Variants in CASP10 observed in about 807,000 individuals in gnomAD.
CASP10 encodes the protein caspase-10.
A neutral mutation model predicts 48.5 loss-of-function variants in CASP10; 41 were observed. The observed-to-expected ratio is 0.85, with a 90% confidence interval of 0.66 to 1.10. CASP10 has a LOEUF of 1.10. Ranked by LOEUF, CASP10 falls within the 50% of genes least tolerant of loss-of-function variation. The pLI is 0.00. For synonymous variants in CASP10, 232 were observed against 238.4 expected (o/e 0.97, Z 0.25); for missense variants, 614 against 614.5 (o/e 1.00, Z 0.01).
Position 201,200,577 on chromosome 2 carries a change from C to T in CASP10, c.685-3153C>T, listed in dbSNP as rs41371545. 4.0e-3 allele frequency: 6,317 copies of T among 1,578,964 alleles called. 198 individuals are homozygous for T. The African/African-American group carries it at 0.073, about 18-fold the overall frequency. On this transcript the variant is annotated intron_variant, in intron 5 of 9. Transcript: ENST00000286186. ...AGGCAATCAGGACATGACACAGAGCCGGGAGAGGCCTGCTCTTCGGCTCTG... is the reference window on the plus strand; with the variant it reads ...AGGCAATCAGGACATGACACAGAGCTGGGAGAGGCCTGCTCTTCGGCTCTG...
At chr2:201,205,328 G>T (rs1010051046) in intron 6 of CASP10, among the ~76,000 whole-genome samples, 1 of 150,976 alleles carries the variant, frequency 6.6e-6, no homozygotes, top group Admixed American at 6.6e-5. Flanking sequence ...GGACTCAGGT[G>T]ATCCTCCCAC....
At chr2:201,188,617 G>A (rs2126009855) in intron 3 of CASP10, among the ~76,000 whole-genome samples, 1 of 152,298 alleles carries the variant, frequency 6.6e-6, no homozygotes, top group East Asian at 1.9e-4. Flanking sequence ...CTCACAGGCT[G>A]AGTTTTGCTG....
rs1945668217 is a variant in CASP10, at chr2:201,219,493, A to G, written c.*1752A>G. The G allele has an allele frequency of 1.0e-6, 1 of 985,312 alleles. No homozygotes were observed. The highest frequency in any genetic ancestry group is 1.2e-6 in the Non-Finnish European group (1 of 829,976). The allele number at this position is 985,312 out of a possible 1,614,324, so 61.0% of individuals were successfully genotyped here. On this transcript the variant is annotated 3_prime_UTR_variant, in exon 10 of 10. Coordinates refer to ENST00000286186, the MANE Select transcript of CASP10 (RefSeq NM_032977.4). ...AGGGCTGGCAGATGCAGTAGACTGC[A>G]GTGGACAGTCCCCACCTTGTTACTG... is the stretch of plus-strand genomic sequence containing the variant.
At chr2:201,223,129 C>T (rs1945745708), downstream of CASP10, among the ~76,000 whole-genome samples, 1 of 152,188 alleles carries the variant, frequency 6.6e-6, no homozygotes, top group Non-Finnish European at 1.5e-5. Flanking sequence ...TGAGTACTGC[C>T]ACACAATGAC....
chr2:201,205,481 T>C (rs1945171290), intron 6 of CASP10, among the ~76,000 whole-genome samples: 1 of 152,120 alleles, frequency 6.6e-6, no homozygotes, highest in South Asian at 2.1e-4. Flanking sequence ...TCAGCCCGTC[T>C]TGGCCTCCCA....
intron 1 of CASP10, among the ~76,000 whole-genome samples, chr2:201,183,674 C>T (rs1442142418): frequency 1.3e-5 from 2 of 152,116 alleles, no homozygotes; most frequent in Admixed American, 6.5e-5. Flanking sequence ...TGGATTATCA[C>T]ATTAAAAATG....
At chr2:201,202,072 G>A (rs1945038538) in intron 5 of CASP10, among the ~76,000 whole-genome samples, 1 of 151,912 alleles carries the variant, frequency 6.6e-6, no homozygotes. Context: ...GGCTGGTCTC[G>A]AACTCCTGAC....
intron 7 of CASP10, among the ~76,000 whole-genome samples, chr2:201,206,555 T>C (rs1246572225): frequency 6.8e-6 from 1 of 148,010 alleles, no homozygotes; most frequent in African/African-American, 2.5e-5. Flanking sequence ...ATATATACTT[T>C]ATTTATAAGT....
chr2:201,208,986 GTTC>G (rs1274365838), intron 8 of CASP10, 81 bp from the exon 9 acceptor site: 30 of 1,484,352 alleles, frequency 2.0e-5, no homozygotes, highest in Non-Finnish European at 2.6e-5. Context: ...CCTTGTTTCA[GTTC>G]TTCATTTTGT....
chr2:201,217,755 T>C lies in CASP10; in HGVS notation c.*14T>C. ...CTTTCATTATAGCAGAGAGTTTTTGTTGGTTCTTAGACCTCAAACGAATCA... is the reference window on the plus strand; with the variant it reads ...CTTTCATTATAGCAGAGAGTTTTTGCTGGTTCTTAGACCTCAAACGAATCA... On this transcript the variant is annotated 3_prime_UTR_variant, in exon 10 of 10. Coordinates refer to ENST00000286186, the MANE Select transcript of CASP10 (RefSeq NM_032977.4). 1.2e-6 allele frequency: 2 copies of C among 1,613,794 alleles called. No individual in the cohort carries two copies. Among genetic ancestry groups the C allele is most frequent in the Non-Finnish European group, 1.7e-6 (2 of 1,179,792 alleles).
chr2:201,213,927 G>A (rs1333553872), intron 9 of CASP10: 5 of 152,190 alleles, frequency 3.3e-5, no homozygotes, highest in African/African-American at 7.2e-5. Flanking sequence ...ATGAGGGTAA[G>A]TCGCATTTTG....
chr2:201,207,394 G>A (rs1246540238), intron 7 of CASP10, among the ~76,000 whole-genome samples: 1 of 151,948 alleles, frequency 6.6e-6, no homozygotes, highest in East Asian at 1.9e-4. Context: ...GCTGAGGTGG[G>A]CGAATCACTT....
intron 4 of CASP10, among the ~76,000 whole-genome samples, chr2:201,193,724 A>C (rs1157683862): frequency 6.6e-6 from 1 of 152,158 alleles, no homozygotes; most frequent in South Asian, 2.1e-4. Context: ...TCTTTTTCTG[A>C]TTCTAATATG....
chr2:201,217,928 T>G lies in CASP10; in HGVS notation c.*187T>G. 1.4e-6 allele frequency: 2 copies of G among 1,418,694 alleles called. No homozygotes were observed. The highest frequency in any genetic ancestry group is 1.4e-5 in the African/African-American group (1 of 69,182). 87.9% of individuals were successfully genotyped at this position (1,418,694 alleles called of 1,614,324 possible). ...GTCTAAATGTTAGAAAACTTTCTTT[T>G]TTTTGGAGATAGTCTCATTCTGTCA... is the stretch of plus-strand genomic sequence containing the variant. On this transcript the variant is annotated 3_prime_UTR_variant, in exon 10 of 10. Coordinates refer to ENST00000286186, the MANE Select transcript of CASP10 (RefSeq NM_032977.4).
intron 6 of CASP10, among the ~76,000 whole-genome samples, chr2:201,205,001 G>T (rs150652282): frequency 7.2e-4 from 109 of 152,240 alleles, no homozygotes; most frequent in Non-Finnish European, 1.3e-3. Context: ...ACAGAGTTTG[G>T]TGGGTTCTAC....
At chr2:201,213,555 G>T (rs1198960137) in intron 9 of CASP10, 1 of 152,062 alleles carries the variant, frequency 6.6e-6, no homozygotes, top group African/African-American at 2.4e-5. Flanking sequence ...AATAGTGGGG[G>T]GTAGGGCAAG....
In CASP10 at chr2:201,219,449, C is replaced by T; in HGVS notation, c.*1708C>T. 1 of 985,498 alleles carries T rather than the reference C, an allele frequency of 1.0e-6. No homozygotes were observed. The highest frequency in any genetic ancestry group is 1.2e-6 in the Non-Finnish European group (1 of 829,968). The allele number at this position is 985,498 out of a possible 1,614,324, so 61.0% of individuals were successfully genotyped here. ...ACTCAATCTACAGGCCAGCACCTTT[C>T]TCTTGGCCGGATGTCCTCAGGGCTG... is the stretch of plus-strand genomic sequence containing the variant. On this transcript the variant is annotated 3_prime_UTR_variant, in exon 10 of 10. Transcript: ENST00000286186.
chr2:201,185,785 C>G lies in CASP10; in HGVS notation c.8C>G (p.Ser3Cys). The stretch of plus-strand genomic sequence containing the variant: ...GTCCCTTTCAGGCTGGCCATGAAAT[C>G]TCAAGGTCAACATTGGTATTCCAGT... MK[S>C]QGQHWYSSSD... Residue 3 changes from serine to cysteine, a missense_variant, in exon 2 of 10, where the codon TCT (serine) becomes TGT (cysteine). Coordinates refer to ENST00000286186, the MANE Select transcript of CASP10 (RefSeq NM_032977.4). The G allele has an allele frequency of 6.2e-7, 1 of 1,612,872 alleles. No individual in the cohort carries two copies. Among genetic ancestry groups the G allele is most frequent in the Non-Finnish European group, 8.5e-7 (1 of 1,178,904 alleles).
chr2:201,207,590 C>T (rs1398406456), intron 7 of CASP10, among the ~76,000 whole-genome samples: 1 of 152,028 alleles, frequency 6.6e-6, no homozygotes, highest in Non-Finnish European at 1.5e-5. Context: ...AACCCCGTCT[C>T]TACTAAAAAT....
Sources: gnomAD v4.1 joint callset for allele counts (sites outside exome capture counted in the v4.1 genomes callset) on GRCh38, gnomAD v4.1.1 for gene constraint, MANE v1.5 for transcripts, NCBI Gene and HGNC (gene_info 2026-07-23, HGNC 2026-07-21) for gene names.